PNPLA7: variants seen among roughly 807,000 people sequenced by gnomAD.
PNPLA7 encodes the protein patatin-like phospholipase domain-containing protein 7.
A neutral mutation model predicts 161.7 loss-of-function variants in PNPLA7; 153 were observed. The ratio of observed to expected loss-of-function variants is 0.95; its 90% CI spans 0.83 to 1.08. The LOEUF (loss-of-function observed/expected upper bound fraction) is 1.08. PNPLA7 is among the 50% of genes least tolerant of loss of function. The pLI is 0.00. For missense variants in PNPLA7, 1,739 were observed against 1,856.6 expected (o/e 0.94, Z 1.16); for synonymous variants, 809 against 782.1 (o/e 1.03, Z -0.57).
chr9:137,493,992 G>A (rs914152004), intron 19 of PNPLA7, among the ~76,000 whole-genome samples: 1 of 152,188 alleles, frequency 6.6e-6, no homozygotes, highest in Non-Finnish European at 1.5e-5. Flanking sequence ...TGGGAGAAGC[G>A]CTACCTGAGG....
chr9:137,530,114 G>T (rs1294378357), intron 8 of PNPLA7, among the ~76,000 whole-genome samples: 1 of 151,930 alleles, frequency 6.6e-6, no homozygotes, highest in African/African-American at 2.4e-5. Flanking sequence ...AGAGGTGCGC[G>T]CCACCACACC....
intron 26 of PNPLA7, among the ~76,000 whole-genome samples, chr9:137,466,942 T>A (rs113841223): frequency 0.12 from 5,393 of 44,638 alleles, 1 homozygote; most frequent in African/African-American, 0.24. Context: ...GTCTCCACCA[T>A]CTCAGACCCG....
At chr9:137,511,717 G>A (rs1408396876) in intron 12 of PNPLA7, among the ~76,000 whole-genome samples, 2 of 152,208 alleles carry the variant, frequency 1.3e-5, no homozygotes, top group Non-Finnish European at 2.9e-5. Context: ...CTGTGCTTCA[G>A]TGGTCACGCT....
At position 137,490,092 on chromosome 9, in the gene PNPLA7, C is replaced by T. The variant is rs2132208899; in HGVS notation, c.2197+2921G>A. Among the ~76,000 whole-genome samples the T allele has an allele frequency of 6.6e-6, 1 of 152,300 alleles. No individual in the cohort carries two copies. Among genetic ancestry groups the T allele is most frequent in the South Asian group, 2.1e-4 (1 of 4,828 alleles). ...TGAAAACTAAAGACAGAGAAAAACA[C>T]CTTTTTGTGTGTGTGTTTTGAGGCA... is the stretch of plus-strand genomic sequence containing the variant. On this transcript the variant is annotated intron_variant, in intron 20 of 34. Transcript: ENST00000406427. The surrounding 1 kb of genome is among the most constrained non-coding windows in gnomAD (Gnocchi z 4.1).
intron 23 of PNPLA7, 81 bp from the exon 24 acceptor site, chr9:137,479,319 G>T: frequency 7.1e-7 from 1 of 1,400,268 alleles, no homozygotes; most frequent in Middle Eastern, 2.1e-4. Context: ...CAGCACAGAG[G>T]GTCTGAGGGC....
intron 9 of PNPLA7, among the ~76,000 whole-genome samples, chr9:137,521,968 T>C (rs1835016054): frequency 6.6e-6 from 1 of 152,242 alleles, no homozygotes; most frequent in Admixed American, 6.5e-5. Flanking sequence ...AATCTAAAGT[T>C]ACTCCAAAGT....
At chr9:137,536,146 C>G (rs550656188) in intron 8 of PNPLA7, among the ~76,000 whole-genome samples, 1 of 136,562 alleles carries the variant, frequency 7.3e-6, no homozygotes, top group East Asian at 2.7e-4. Context: ...GACCAAGACT[C>G]CATCACAAAA....
chr9:137,460,592 CT>C, intron 34 of PNPLA7, 41 bp downstream of exon 34: 1 of 1,600,958 alleles, frequency 6.2e-7, no homozygotes, highest in Non-Finnish European at 8.5e-7. Context: ...GGCACCAAGG[CT>C]CAGCTGTGGG....
chr9:137,509,293 C>A (rs1318552866), intron 12 of PNPLA7: 1 of 153,686 alleles, frequency 6.5e-6, no homozygotes, highest in Non-Finnish European at 1.4e-5. Context: ...TTAGCTGGTA[C>A]AAGTGAGTTT....
chr9:137,486,607 G>A lies in PNPLA7; in HGVS notation c.2198-1871C>T, dbSNP rs369897674. On this transcript the variant is annotated intron_variant, in intron 20 of 34. Transcript: ENST00000406427. This position sits in a 1 kb window ranked among gnomAD's most constrained non-coding sequence, Gnocchi z 6.0. Reference sequence around the variant, plus strand: ...CAGCCCCAGATCCTCCCTCGGACTCGGCCCCCACCTCCGGCCCCAGGCTCC... The same window carrying A: ...CAGCCCCAGATCCTCCCTCGGACTCAGCCCCCACCTCCGGCCCCAGGCTCC... Among the ~76,000 whole-genome samples, 1 of 151,926 alleles carries A rather than the reference G, an allele frequency of 6.6e-6. No homozygotes were observed. Among genetic ancestry groups the A allele is most frequent in the Admixed American group, 6.5e-5 (1 of 15,268 alleles).
At chr9:137,461,756 C>A in intron 32 of PNPLA7, 136 bp from the exon 33 acceptor site, 2 of 1,206,574 alleles carry the variant, frequency 1.7e-6, no homozygotes, top group South Asian at 3.0e-5. Context: ...AGGGCAGGGA[C>A]CGGGGAGATG....
intron 8 of PNPLA7, among the ~76,000 whole-genome samples, chr9:137,525,125 G>C (rs1271990824): frequency 6.6e-6 from 1 of 152,214 alleles, no homozygotes; most frequent in Non-Finnish European, 1.5e-5. Flanking sequence ...ATCCAGGGGT[G>C]TCAGCCCAAC....
At chr9:137,522,111 G>A (rs1460425469) in intron 9 of PNPLA7, among the ~76,000 whole-genome samples, 1 of 152,138 alleles carries the variant, frequency 6.6e-6, no homozygotes, top group Admixed American at 6.5e-5. Context: ...GTCTCGCTAT[G>A]CCGCCCAGGC....
intron 10 of PNPLA7, among the ~76,000 whole-genome samples, chr9:137,521,304 C>T (rs1020668246): frequency 5.3e-5 from 8 of 152,220 alleles, no homozygotes; most frequent in East Asian, 3.8e-4. Context: ...AGGCACCAGG[C>T]GGCTGTTCAC....
At chr9:137,496,962 A>G (rs960083649) in intron 18 of PNPLA7, among the ~76,000 whole-genome samples, 38 of 152,290 alleles carry the variant, frequency 2.5e-4, no homozygotes, top group African/African-American at 8.7e-4. Flanking sequence ...GGAGTCCCCC[A>G]CAGAGGCAGA....
Position 137,543,406 on chromosome 9 carries a change from C to T in PNPLA7, c.506+26G>A, listed in dbSNP as rs1392481982. 2.5e-6 allele frequency: 4 copies of T among 1,613,330 alleles called. No individual in the cohort carries two copies. The highest frequency in any genetic ancestry group is 2.2e-5 in the East Asian group (1 of 44,884). ...CCCGGGGCTATGGGAGCTGCCGCAGCCCCCGGGGCTCATCCCCGCTCTTAC... is the reference window on the plus strand; with the variant it reads ...CCCGGGGCTATGGGAGCTGCCGCAGTCCCCGGGGCTCATCCCCGCTCTTAC... On this transcript the variant is annotated intron_variant, in intron 6 of 34. Coordinates refer to ENST00000406427, the MANE Select transcript of PNPLA7 (RefSeq NM_001098537.3). This position sits in a 1 kb window ranked among gnomAD's most constrained non-coding sequence, Gnocchi z 6.9.
rs7848121 is a variant in PNPLA7 at position 137,498,385 on chromosome 9, C to T, written c.1758-140G>A. 1,986 of 1,284,550 alleles carry T rather than the reference C, an allele frequency of 1.5e-3. 20 individuals are homozygous for T. In the African/African-American group the frequency reaches 0.026, roughly 17 times the overall value. The allele number at this position is 1,284,550 out of a possible 1,614,324, so 79.6% of individuals were successfully genotyped here. A position where few individuals can be genotyped will look rare whatever the true frequency, so the allele number is the denominator to read the frequency against. The stretch of plus-strand genomic sequence containing the variant: ...GAGAGACCACTGGCAGGGGCTGGGA[C>T]GGGGCACGCACCAGTCAGCTGCCTG... On this transcript the variant is annotated intron_variant, in intron 16 of 34. Transcript: ENST00000406427.
At chr9:137,534,435 CAGA>C (rs1835777950) in intron 8 of PNPLA7, among the ~76,000 whole-genome samples, 1 of 151,938 alleles carries the variant, frequency 6.6e-6, no homozygotes, top group Non-Finnish European at 1.5e-5. Flanking sequence ...CTCCCAGACT[CAGA>C]CAGGAGCACT....
intron 25 of PNPLA7, among the ~76,000 whole-genome samples, chr9:137,475,591 C>G (rs575810542): frequency 7.2e-5 from 11 of 152,068 alleles, no homozygotes; most frequent in Admixed American, 2.0e-4. Context: ...AGCCAGGCTG[C>G]TCTCAAACTC....
Sources: gnomAD v4.1 joint callset for allele counts (sites outside exome capture counted in the v4.1 genomes callset) on GRCh38, gnomAD v4.1.1 for gene constraint, Gnocchi (gnomAD v3.1) non-coding constraint, MANE v1.5 for transcripts, NCBI Gene and HGNC (gene_info 2026-07-23, HGNC 2026-07-21) for gene names.